The following MEOX2 variants were observed in gnomAD, a reference collection of about 807,000 sequenced individuals.
MEOX2 encodes the protein homeobox protein MOX-2.
In MEOX2, 11 loss-of-function variants were observed where a neutral mutation model predicts 27.0. The observed-to-expected ratio is 0.41, with a 90% CI of 0.26 to 0.68. The LOEUF is 0.68. MEOX2 is among the 30% of genes least tolerant of loss of function. The probability of loss-of-function intolerance (pLI) is 0.33; values close to 1 mark genes in which losing one functional copy is unlikely to be tolerated. For synonymous variants in MEOX2, 189 were observed against 155.4 expected (o/e 1.22, Z -1.61); for missense variants, 436 against 385.4 (o/e 1.13, Z -1.10).
chr7:15,618,480 G>C (rs1781160136), intron 2 of MEOX2, among the ~76,000 whole-genome samples: 1 of 151,916 alleles, frequency 6.6e-6, no homozygotes, highest in African/African-American at 2.4e-5. Flanking sequence ...GATGGTCTTT[G>C]ATCTCAACAT....
At chr7:15,635,482 C>T (rs565171371) in intron 1 of MEOX2, among the ~76,000 whole-genome samples, 57 of 152,118 alleles carry the variant, frequency 3.7e-4, no homozygotes, top group African/African-American at 1.3e-3. Context: ...CTCCCCTGTG[C>T]TCATCTTTAA....
chr7:15,637,741 G>A (rs1036914189), intron 1 of MEOX2, among the ~76,000 whole-genome samples: 1 of 151,392 alleles, frequency 6.6e-6, no homozygotes, highest in Non-Finnish European at 1.5e-5. Context: ...GGAACATATC[G>A]GGGCTTTGAA....
chr7:15,673,737 T>A (rs1380474711), intron 1 of MEOX2, among the ~76,000 whole-genome samples: 3 of 152,058 alleles, frequency 2.0e-5, no homozygotes, highest in Admixed American at 2.0e-4. Flanking sequence ...ATAGTCTAAA[T>A]TCTTTTCTGA....
At chr7:15,666,221 C>A (rs1430571132) in intron 1 of MEOX2, among the ~76,000 whole-genome samples, 1 of 152,132 alleles carries the variant, frequency 6.6e-6, no homozygotes, top group African/African-American at 2.4e-5. Context: ...CAATGTCATG[C>A]CTATAAATGT....
intron 1 of MEOX2, among the ~76,000 whole-genome samples, chr7:15,628,059 A>G (rs568150183): frequency 6.1e-4 from 93 of 152,242 alleles, no homozygotes; most frequent in African/African-American, 2.1e-3. Context: ...AAAGATGATC[A>G]TTAACCAAAG....
Position 15,685,876 on chromosome 7 carries a change from G to A in MEOX2, c.517+10C>T, listed in dbSNP as rs1244036372. On this transcript the variant is annotated intron_variant, in intron 1 of 2. Coordinates refer to ENST00000262041, the MANE Select transcript of MEOX2 (RefSeq NM_005924.5). The stretch of plus-strand genomic sequence containing the variant: ...GCGCGCACTCTCGAGGGTGCCTGGC[G>A]CGCCCTTACCTGAGCTGTCGCTTTT... 7 of 1,575,434 alleles carry A rather than the reference G, an allele frequency of 4.4e-6. No homozygotes were observed. The highest frequency in any genetic ancestry group is 1.8e-5 in the Admixed American group (1 of 56,014).
intron 1 of MEOX2, among the ~76,000 whole-genome samples, chr7:15,648,297 C>T (rs1781680505): frequency 6.6e-6 from 1 of 151,942 alleles, no homozygotes; most frequent in South Asian, 2.1e-4. Context: ...GAATAAAAAG[C>T]AATTTTAACC....
At chr7:15,622,937 G>T (rs540761228) in intron 2 of MEOX2, among the ~76,000 whole-genome samples, 7 of 152,170 alleles carry the variant, frequency 4.6e-5, no homozygotes, top group Admixed American at 3.9e-4. Context: ...TATCAAGGTA[G>T]AATGGAAAAA....
At chr7:15,640,061 A>G (rs1179030860) in intron 1 of MEOX2, among the ~76,000 whole-genome samples, 1 of 152,116 alleles carries the variant, frequency 6.6e-6, no homozygotes, top group Non-Finnish European at 1.5e-5. Context: ...GAATCTGTAG[A>G]TCACTTTGGG....
intron 1 of MEOX2, among the ~76,000 whole-genome samples, chr7:15,652,674 T>A (rs1243253469): frequency 6.6e-6 from 1 of 152,084 alleles, no homozygotes; most frequent in African/African-American, 2.4e-5. Flanking sequence ...GCAAGTTCTC[T>A]ATGTCTGTAA....
chr7:15,675,321 C>T (rs1033627010), intron 1 of MEOX2, among the ~76,000 whole-genome samples: 5 of 151,984 alleles, frequency 3.3e-5, no homozygotes, highest in Non-Finnish European at 1.5e-5. Flanking sequence ...ATTCATAAAA[C>T]AAAGCTGAAA....
At chr7:15,625,564 G>A (rs1414290368) in intron 2 of MEOX2, among the ~76,000 whole-genome samples, 1 of 152,174 alleles carries the variant, frequency 6.6e-6, no homozygotes. Flanking sequence ...CTTAAGACAT[G>A]CATTCATTTG....
In MEOX2 at chr7:15,686,366, G is replaced by A. The variant is rs1191384347; in HGVS notation, c.37C>T (p.His13Tyr). 9 of 1,588,986 alleles carry A rather than the reference G, an allele frequency of 5.7e-6. No homozygotes were observed. Among genetic ancestry groups the A allele is most frequent in the Non-Finnish European group, 7.7e-6 (9 of 1,167,116 alleles). The stretch of plus-strand genomic sequence containing the variant: ...GGGTGCAAGCCTTGCGCCGTGGCGT[G>A]AGGGCTGCGCAGGCAGCCAAAGAGC... ...HPLFGCLRSPHATAQGLHPFS... is the reference protein window; with the variant it reads ...HPLFGCLRSPYATAQGLHPFS... Residue 13 changes from histidine to tyrosine, a missense_variant, in exon 1 of 3, where the codon CAC (histidine) becomes TAC (tyrosine). By Grantham distance (83) the His-to-Tyr change is moderately conservative (BLOSUM62 2). Coordinates refer to ENST00000262041, the MANE Select transcript of MEOX2 (RefSeq NM_005924.5).
At chr7:15,667,145 GC>G (rs1470847877) in intron 1 of MEOX2, among the ~76,000 whole-genome samples, 1 of 151,444 alleles carries the variant, frequency 6.6e-6, no homozygotes, top group Non-Finnish European at 1.5e-5. Context: ...CAAAAAATTA[GC>G]TGGGTGTGGT....
chr7:15,612,418 C>A lies in MEOX2; in HGVS notation c.884G>T (p.Ser295Ile). The A allele has an allele frequency of 6.2e-7, 1 of 1,614,144 alleles. No individual in the cohort carries two copies. Among genetic ancestry groups the A allele is most frequent in the Non-Finnish European group, 8.5e-7 (1 of 1,180,006 alleles). Residue 295 changes from serine (S) to isoleucine (I), a missense_variant, in exon 3 of 3, where the codon AGT (serine) becomes ATT (isoleucine). Physicochemically the swap from Ser to Ile is moderately radical, Grantham distance 142. Transcript: ENST00000262041. ...DSIANEDSHD[S>I]DHSSEHAHL ...GTGCGCATGCTCTGAGCTGTGGTCA[C>A]TGTCGTGACTGTCTTCATTTGCTAT...
At chr7:15,615,391 T>C (rs1320422219) in intron 2 of MEOX2, among the ~76,000 whole-genome samples, 5 of 148,916 alleles carry the variant, frequency 3.4e-5, no homozygotes, top group African/African-American at 9.9e-5. Context: ...TTTTGGTTCC[T>C]GTTATATTTC....
chr7:15,674,554 TTCTGTGTG>T (rs1328710473), intron 1 of MEOX2, among the ~76,000 whole-genome samples: 75 of 149,802 alleles, frequency 5.0e-4, no homozygotes, highest in African/African-American at 1.8e-3. Context: ...AGATAAAAGA[TTCTGTGTG>T]TGTGTGTGTG....
At chr7:15,660,485 G>C (rs1396735402) in intron 1 of MEOX2, among the ~76,000 whole-genome samples, 2 of 152,054 alleles carry the variant, frequency 1.3e-5, no homozygotes, top group South Asian at 2.1e-4. Flanking sequence ...ATTCCTGATG[G>C]TGGCGCACTG....
At chr7:15,665,660 C>A (rs1781991560) in intron 1 of MEOX2, among the ~76,000 whole-genome samples, 1 of 152,130 alleles carries the variant, frequency 6.6e-6, no homozygotes, top group African/African-American at 2.4e-5. Context: ...AGAATTACAT[C>A]CCTTTTAGAT....
Sources: gnomAD v4.1 joint callset for allele counts (sites outside exome capture counted in the v4.1 genomes callset) on GRCh38, gnomAD v4.1.1 for gene constraint, MANE v1.5 for transcripts, NCBI Gene and HGNC (gene_info 2026-07-23, HGNC 2026-07-21) for gene names.